Variants in ARHGAP22 observed in about 807,000 individuals in gnomAD.
ARHGAP22 encodes the protein Rho GTPase activating protein 22, also known as rho GTPase-activating protein 22.
A neutral mutation model predicts 59.1 loss-of-function variants in ARHGAP22; 48 were observed. The observed-to-expected ratio is 0.81, with a 90% CI of 0.64 to 1.03. ARHGAP22 has a LOEUF of 1.03. ARHGAP22 is among the 50% of genes least tolerant of loss of function. ARHGAP22 has a pLI of 0.00. For synonymous variants in ARHGAP22, 445 were observed against 416.4 expected, an observed-to-expected ratio of 1.07 and a Z score of -0.84; for missense variants, 1,015 against 958.7, an observed-to-expected ratio of 1.06 and a Z score of -0.78.
chr10:48,518,687 T>C (rs2053530301), intron 3 of ARHGAP22, among the ~76,000 whole-genome samples: 1 of 151,996 alleles, frequency 6.6e-6, no homozygotes, highest in South Asian at 2.1e-4. Flanking sequence ...AGTGAGCAAG[T>C]AGGGAGCAGT....
At chr10:48,493,294 T>C in intron 3 of ARHGAP22, 1 of 920,792 alleles carries the variant, frequency 1.1e-6, no homozygotes, top group Non-Finnish European at 1.6e-6. Flanking sequence ...CTCCCTGCTG[T>C]CCTCCCAGTC....
intron 4 of ARHGAP22, among the ~76,000 whole-genome samples, chr10:48,475,880 G>A (rs1444697020): frequency 6.6e-6 from 1 of 152,134 alleles, no homozygotes; most frequent in Non-Finnish European, 1.5e-5. Flanking sequence ...TCATTCTTTG[G>A]TCTCTCTCCT....
upstream of ARHGAP22, among the ~76,000 whole-genome samples, chr10:48,609,718 T>C (rs750450143): frequency 1.2e-4 from 19 of 152,190 alleles, no homozygotes; most frequent in Non-Finnish European, 2.4e-4. Flanking sequence ...CAGTGCTGTA[T>C]GGAGTTCGGC....
the ARHGAP22 span, among the ~76,000 whole-genome samples, chr10:48,433,299 C>G: frequency 6.6e-6 from 1 of 151,896 alleles, no homozygotes; most frequent in East Asian, 1.9e-4. Flanking sequence ...AATAATAGAC[C>G]CTGAACTAGA....
At chr10:48,480,412 T>C (rs1250799467) in intron 3 of ARHGAP22, among the ~76,000 whole-genome samples, 1 of 152,222 alleles carries the variant, frequency 6.6e-6, no homozygotes, top group East Asian at 1.9e-4. Context: ...TGTAAGCAAA[T>C]TGATCTTTGG....
upstream of ARHGAP22, among the ~76,000 whole-genome samples, chr10:48,654,782 C>A (rs2062698252): frequency 3.5e-5 from 2 of 56,476 alleles, no homozygotes; most frequent in Non-Finnish European, 4.0e-5. Flanking sequence ...TACTTTCTTT[C>A]TTTCTTTCTT....
At chr10:48,605,373 T>C (rs2060632484), upstream of ARHGAP22, among the ~76,000 whole-genome samples, 1 of 126,634 alleles carries the variant, frequency 7.9e-6, no homozygotes, top group South Asian at 2.7e-4. Context: ...GACCCGCTTA[T>C]GAGCTCACTG....
At chr10:48,515,220 G>A (rs1369378799) in intron 3 of ARHGAP22, among the ~76,000 whole-genome samples, 1 of 152,042 alleles carries the variant, frequency 6.6e-6, no homozygotes, top group Non-Finnish European at 1.5e-5. Context: ...ACACAAGTAG[G>A]TTGAAAGTAA....
Position 48,454,134 on chromosome 10 carries a change from TCACTTGTTTAGCCAACTC to T in ARHGAP22, c.802_819del (p.Glu268_Val273del). 6.2e-7 allele frequency: 1 copy of T among 1,614,050 alleles called. No individual in the cohort carries two copies. ...TTGTAATTTGCCTGAGGAAGGTTGCTCACTTGTTTAGCCAACTCCAGAGTGCCCTTAGGAATGAAGAAC... is the reference window on the plus strand; with the variant it reads ...TTGTAATTTGCCTGAGGAAGGTTGCTCAGAGTGCCCTTAGGAATGAAGAAC... On this transcript the variant is annotated inframe_deletion, in exon 7 of 10. Coordinates refer to ENST00000249601, the MANE Select transcript of ARHGAP22 (RefSeq NM_021226.4).
At chr10:48,519,999 C>A (rs747725226) in intron 3 of ARHGAP22, among the ~76,000 whole-genome samples, 1 of 152,104 alleles carries the variant, frequency 6.6e-6, no homozygotes, top group East Asian at 1.9e-4. Context: ...GCCATCAAGG[C>A]GATAAGTCGA....
At chr10:48,466,189 G>A (rs1055838474) in intron 4 of ARHGAP22, among the ~76,000 whole-genome samples, 2 of 152,074 alleles carry the variant, frequency 1.3e-5, no homozygotes, top group Non-Finnish European at 2.9e-5. Context: ...AGGTAGGCTT[G>A]GGGTCAGAGC....
In ARHGAP22 at chr10:48,580,544, A is replaced by AGGGTGACAGTAAG. The variant is rs1395669740; in HGVS notation, c.234+2396_234+2408dup. On this transcript the variant is annotated intron_variant, in intron 2 of 9. Transcript: ENST00000249601. ...CAGTGCTGTGGGCTGGTACAGGAGG[A>AGGGTGACAGTAAG]GGGTGACAGTAAGGGTCCAGGCAGG... Among the ~76,000 whole-genome samples the AGGGTGACAGTAAG allele has an allele frequency of 1.2e-4, 18 of 152,228 alleles. No individual in the cohort carries two copies. In the South Asian group the frequency reaches 3.5e-3, roughly 30 times the overall value.
At chr10:48,437,082 A>C in the ARHGAP22 span, 48 of 152,220 alleles carry the variant, frequency 3.2e-4, no homozygotes, top group African/African-American at 1.1e-3. Context: ...TAAGTAAGGA[A>C]AACCAGGTGT....
intron 3 of ARHGAP22, among the ~76,000 whole-genome samples, chr10:48,540,722 C>T (rs1182198148): frequency 6.6e-6 from 1 of 152,108 alleles, no homozygotes; most frequent in African/African-American, 2.4e-5. Context: ...GAGAACTAGA[C>T]TCCATTTCTT....
upstream of ARHGAP22, among the ~76,000 whole-genome samples, chr10:48,655,282 T>C (rs1477995485): frequency 7.3e-6 from 1 of 136,970 alleles, no homozygotes; most frequent in African/African-American, 2.9e-5. Flanking sequence ...CGGGGGACGC[T>C]GCATCAGGAG....
At chr10:48,455,171 G>A in intron 5 of ARHGAP22, 37 bp from the exon 6 acceptor site, 1 of 1,570,630 alleles carries the variant, frequency 6.4e-7, no homozygotes, top group South Asian at 1.2e-5. Context: ...TGAGGCCTGG[G>A]ATGCCAGGGG....
chr10:48,583,127 C>T lies in ARHGAP22; in HGVS notation c.60G>A (p.Gly20=), dbSNP rs200954930. The stretch of plus-strand genomic sequence containing the variant: ...TCCGCCCAGGGCTCCGGCTCTGCTC[C>T]CCCATCACTAGGCTTTTGGAGCGGG... ...RRARSKSLVM[G]EQSRSPGRMP... is the part of the protein sequence containing the mutation. Residue 20 remains glycine, a synonymous_variant, in exon 2 of 10, where the codon GGG becomes GGA. Transcript: ENST00000249601. 22 of 1,614,214 alleles carry T rather than the reference C, an allele frequency of 1.4e-5. No individual in the cohort carries two copies. Among genetic ancestry groups the T allele is most frequent in the South Asian group, 2.2e-5 (2 of 91,082 alleles).
intron 3 of ARHGAP22, among the ~76,000 whole-genome samples, chr10:48,498,765 C>A (rs1364595640): frequency 6.6e-6 from 1 of 152,114 alleles, no homozygotes; most frequent in Non-Finnish European, 1.5e-5. Context: ...ACATCATGAC[C>A]AAAGCAGGGG....
chr10:48,458,149 G>C (rs1490883273), intron 5 of ARHGAP22, among the ~76,000 whole-genome samples: 1 of 152,146 alleles, frequency 6.6e-6, no homozygotes, highest in East Asian at 1.9e-4. Flanking sequence ...GGTCACTGCT[G>C]AGATGGGGGT....
Sources: allele counts gnomAD v4.1 joint callset (sites outside exome capture counted in the v4.1 genomes callset), GRCh38; gene constraint gnomAD v4.1.1; transcripts MANE v1.5; gene names NCBI Gene and HGNC (gene_info 2026-07-23, HGNC 2026-07-21).